The following R3HDM1 variants were observed in gnomAD, a reference collection of about 807,000 sequenced individuals.
The protein encoded by R3HDM1 is R3H domain-containing protein 1.
R3HDM1 carries 46 observed loss-of-function variants against 141.1 expected under a neutral mutation model. The observed-to-expected ratio is 0.33, with a 90% CI of 0.26 to 0.42. The LOEUF (loss-of-function observed/expected upper bound fraction) is 0.42, where lower values mean the gene tolerates loss of function less well. R3HDM1 is among the 10% of genes least tolerant of loss of function. The pLI is 1.00. For missense variants in R3HDM1, 1,184 were observed against 1,368.3 expected (o/e 0.87, Z 2.12); for synonymous variants, 435 against 472.9 (o/e 0.92, Z 1.04).
chr2:135,573,311 A>G (rs1342284319), intron 1 of R3HDM1, among the ~76,000 whole-genome samples: 2 of 152,166 alleles, frequency 1.3e-5, no homozygotes, highest in Non-Finnish European at 2.9e-5. Flanking sequence ...AAGACATAGC[A>G]TAACTTGAAG....
intron 1 of R3HDM1, among the ~76,000 whole-genome samples, chr2:135,540,972 G>A (rs924292397): frequency 6.6e-6 from 1 of 152,096 alleles, no homozygotes; most frequent in Admixed American, 6.6e-5. Flanking sequence ...AATTATCAAC[G>A]AACAGTAAGT....
intron 8 of R3HDM1, 28 bp downstream of exon 8, chr2:135,631,805 A>C: frequency 1.3e-6 from 2 of 1,568,850 alleles, no homozygotes; most frequent in Non-Finnish European, 1.7e-6. Context: ...ACAAGAAAAG[A>C]AATTGTCATC....
rs1399360180 is a variant in R3HDM1, at chr2:135,630,461, C to G, written c.498-1257C>G. The stretch of plus-strand genomic sequence containing the variant: ...TGTTAAAATGTAATTCTGTGTTCAG[C>G]TTTGGATTTGAAATCACCAAGTAGA... On this transcript the variant is annotated intron_variant, in intron 7 of 26. Coordinates refer to ENST00000683871, the MANE Select transcript of R3HDM1 (RefSeq NM_001378107.1). Among the ~76,000 whole-genome samples the G allele has an allele frequency of 3.9e-5, 6 of 152,064 alleles. No homozygotes were observed. In the East Asian group the frequency reaches 1.2e-3, roughly 29 times the overall value.
At chr2:135,581,205 G>A in intron 1 of R3HDM1, 3 of 985,422 alleles carry the variant, frequency 3.0e-6, no homozygotes, top group Non-Finnish European at 3.6e-6. Flanking sequence ...AGGTAGTAGT[G>A]AGGATGGAGC....
At chr2:135,556,793 C>T (rs188601268) in intron 1 of R3HDM1, among the ~76,000 whole-genome samples, 4 of 152,128 alleles carry the variant, frequency 2.6e-5, no homozygotes, top group African/African-American at 9.6e-5. Flanking sequence ...GCTGGGATTA[C>T]AGGCATGAGC....
rs2065187878 is a variant in R3HDM1, at chr2:135,651,892, C to T, written c.1888C>T (p.Pro630Ser). 1.3e-6 allele frequency: 2 copies of T among 1,530,790 alleles called. No homozygotes were observed. The highest frequency in any genetic ancestry group is 1.8e-6 in the Non-Finnish European group (2 of 1,115,984). The allele number at this position is 1,530,790 out of a possible 1,614,324, so 94.8% of individuals were successfully genotyped here. A position where few individuals can be genotyped will look rare whatever the true frequency, so the allele number is the denominator to read the frequency against. ...AGCAGCCCCTCCACCACATCCTCCT[C>T]CACCGCCACCACCACCACCTCCTCC... ...MTAAPPPHPPPPPPPPPPPPP... is the reference protein window; with the variant it reads ...MTAAPPPHPPSPPPPPPPPPP... Residue 630 changes from proline to serine, a missense_variant, in exon 18 of 27, where the codon CCA (proline) becomes TCA (serine). Physicochemically the swap from Pro to Ser is moderately conservative, Grantham distance 74. Around this residue, in one of 5 missense-constraint regions of R3HDM1, gnomAD observed 563 missense variants for 562.0 expected, o/e 1.00. Transcript: ENST00000683871.
chr2:135,575,370 C>T (rs1043909573), intron 1 of R3HDM1, among the ~76,000 whole-genome samples: 1 of 152,142 alleles, frequency 6.6e-6, no homozygotes, highest in Admixed American at 6.5e-5. Flanking sequence ...TCAGTAGAGA[C>T]AGGGTTTCAC....
chr2:135,558,139 G>A (rs1354820663), intron 1 of R3HDM1, among the ~76,000 whole-genome samples: 1 of 152,174 alleles, frequency 6.6e-6, no homozygotes, highest in Non-Finnish European at 1.5e-5. Context: ...CAGCTGATAC[G>A]AAAACATCAG....
intron 7 of R3HDM1, among the ~76,000 whole-genome samples, chr2:135,625,908 C>T (rs1248700727): frequency 6.6e-6 from 1 of 152,184 alleles, no homozygotes; most frequent in Non-Finnish European, 1.5e-5. Context: ...CATCTGTATC[C>T]TTTATAATAA....
At chr2:135,634,862 C>T (rs1385371051) in intron 9 of R3HDM1, among the ~76,000 whole-genome samples, 7 of 151,898 alleles carry the variant, frequency 4.6e-5, no homozygotes, top group Non-Finnish European at 8.8e-5. Context: ...AGAATAATTC[C>T]AGTTTTATAA....
intron 1 of R3HDM1, among the ~76,000 whole-genome samples, chr2:135,559,655 G>A (rs1701433700): frequency 6.6e-6 from 1 of 152,138 alleles, no homozygotes; most frequent in Non-Finnish European, 1.5e-5. Flanking sequence ...CCTCCTTCCT[G>A]CAGTAGGATC....
intron 14 of R3HDM1, 125 bp downstream of exon 14, chr2:135,639,247 AC>A: frequency 2.3e-6 from 2 of 886,226 alleles, no homozygotes; most frequent in Non-Finnish European, 3.5e-6. Context: ...TAGTACCTTG[AC>A]CACCTCCGGA....
intron 21 of R3HDM1, among the ~76,000 whole-genome samples, chr2:135,702,352 C>T (rs1030486550): frequency 1.3e-5 from 2 of 151,832 alleles, no homozygotes; most frequent in Non-Finnish European, 2.9e-5. Context: ...GGCAAAACCC[C>T]GTCTGTACTA....
At chr2:135,532,515 A>G (rs1349979049) in intron 1 of R3HDM1, among the ~76,000 whole-genome samples, 1 of 152,104 alleles carries the variant, frequency 6.6e-6, no homozygotes, top group Non-Finnish European at 1.5e-5. Context: ...GTGCTTTCCA[A>G]ATTAGGATTA....
intron 1 of R3HDM1, among the ~76,000 whole-genome samples, chr2:135,575,253 G>A (rs1472449737): frequency 1.3e-5 from 2 of 152,168 alleles, no homozygotes; most frequent in East Asian, 1.9e-4. Context: ...CACAATCTTG[G>A]CTCACTGCAA....
At chr2:135,578,331 C>T (rs909847824) in intron 1 of R3HDM1, among the ~76,000 whole-genome samples, 1 of 152,104 alleles carries the variant, frequency 6.6e-6, no homozygotes, top group Non-Finnish European at 1.5e-5. Context: ...AAAGAAATAC[C>T]AGAATGATAA....
At chr2:135,564,689 T>A (rs1318473424) in intron 1 of R3HDM1, among the ~76,000 whole-genome samples, 1 of 152,216 alleles carries the variant, frequency 6.6e-6, no homozygotes, top group East Asian at 1.9e-4. Flanking sequence ...ACATTTCCCA[T>A]ATGTGTAGGT....
At position 135,635,909 on chromosome 2, in the gene R3HDM1, G is replaced by T; in HGVS notation, c.718G>T (p.Glu240Ter). Residue 240 changes from glutamate (E) to a stop codon, truncating the protein, a stop_gained, in exon 10 of 27, where the codon GAA becomes TAA. Coordinates refer to ENST00000683871, the MANE Select transcript of R3HDM1 (RefSeq NM_001378107.1). LOFTEE classifies it high-confidence loss of function. ...NTRIPDQKFN[E>*]HIKDDKGEDF... ...TTTAAGACCTGATCAGAAATTTAAT[G>T]AACATATTAAGGATGATAAAGGTGA... The T allele has an allele frequency of 1.3e-6, 2 of 1,595,994 alleles. No homozygotes were observed. Among genetic ancestry groups the T allele is most frequent in the South Asian group, 2.3e-5 (2 of 88,048 alleles).
Position 135,605,107 on chromosome 2 carries a change from A to T in R3HDM1, c.171+91A>T, listed in dbSNP as rs2059933986. On this transcript the variant is annotated intron_variant, in intron 3 of 26. Coordinates refer to ENST00000683871, the MANE Select transcript of R3HDM1 (RefSeq NM_001378107.1). ...TACAAAACTCACTTCTCAAAATTCT[A>T]AAAGGGTAAGTTGACCCTTCGTGAC... The T allele has an allele frequency of 2.5e-6, 3 of 1,190,436 alleles. No individual in the cohort carries two copies. The East Asian group carries it at 7.8e-5, about 31-fold the overall frequency. 73.7% of individuals were successfully genotyped at this position (1,190,436 alleles called of 1,614,324 possible).
Sources: allele counts gnomAD v4.1 joint callset (sites outside exome capture counted in the v4.1 genomes callset), GRCh38; gene constraint gnomAD v4.1.1; regional missense constraint gnomAD v4.1.1; transcripts MANE v1.5; gene names NCBI Gene and HGNC (gene_info 2026-07-23, HGNC 2026-07-21).